The following SPOCK3 variants were observed in gnomAD, a reference collection of about 807,000 sequenced individuals.
The protein encoded by SPOCK3 is testican-3.
SPOCK3 carries 30 observed loss-of-function variants against 56.6 expected under a neutral mutation model. The observed-to-expected ratio is 0.53, with a 90% confidence interval of 0.40 to 0.72. The LOEUF (loss-of-function observed/expected upper bound fraction) is 0.72. Ranked by LOEUF, SPOCK3 falls within the 30% of genes least tolerant of loss-of-function variation. SPOCK3 has a pLI of 0.00. For missense variants in SPOCK3, 527 were observed against 530.0 expected (o/e 0.99, Z 0.06); for synonymous variants, 196 against 183.3 (o/e 1.07, Z -0.56).
chr4:167,052,020 A>C (rs1754264743), intron 3 of SPOCK3, among the ~76,000 whole-genome samples: 1 of 152,224 alleles, frequency 6.6e-6, no homozygotes, highest in Non-Finnish European at 1.5e-5. Flanking sequence ...CTAATGTGAT[A>C]TGAAGTAAAT....
At chr4:166,880,858 G>A (rs1291160556) in intron 6 of SPOCK3, among the ~76,000 whole-genome samples, 2 of 151,790 alleles carry the variant, frequency 1.3e-5, no homozygotes, top group Non-Finnish European at 2.9e-5. Context: ...TGAACCATCC[G>A]GTTTAACCTT....
chr4:167,186,575 C>T (rs1731980955), intron 2 of SPOCK3, among the ~76,000 whole-genome samples: 1 of 151,782 alleles, frequency 6.6e-6, no homozygotes, highest in East Asian at 1.9e-4. Context: ...TGCAGTGAGC[C>T]GAGATCATGC....
intron 2 of SPOCK3, among the ~76,000 whole-genome samples, chr4:167,067,460 T>C (rs1756270452): frequency 2.0e-5 from 3 of 151,816 alleles, no homozygotes. Context: ...GTGATGATTA[T>C]CAATGGTAAC....
At chr4:167,006,325 T>C (rs979072396) in intron 3 of SPOCK3, among the ~76,000 whole-genome samples, 2 of 152,168 alleles carry the variant, frequency 1.3e-5, no homozygotes. Context: ...TTCGGTGAGA[T>C]TCAGAGTAGC....
chr4:167,035,026 C>T (rs1300704477), intron 3 of SPOCK3, among the ~76,000 whole-genome samples: 1 of 151,900 alleles, frequency 6.6e-6, no homozygotes, highest in African/African-American at 2.4e-5. Context: ...CAGTTTAAAC[C>T]TTTATAGGAA....
At chr4:167,217,059 G>T (rs1735432573) in intron 2 of SPOCK3, among the ~76,000 whole-genome samples, 1 of 151,882 alleles carries the variant, frequency 6.6e-6, no homozygotes, top group South Asian at 2.1e-4. Context: ...CTTTGTTAAA[G>T]AACAAAAAAC....
chr4:167,049,118 T>A (rs34247793), intron 3 of SPOCK3, among the ~76,000 whole-genome samples: 3,961 of 151,794 alleles, frequency 0.026, 82 homozygotes, highest in Middle Eastern at 0.058. Context: ...CTTTTTTTTT[T>A]TTTGAGACAG....
chr4:166,803,003 G>C (rs1307220817), intron 6 of SPOCK3, among the ~76,000 whole-genome samples: 1 of 152,096 alleles, frequency 6.6e-6, no homozygotes. Context: ...TTGCACAAAA[G>C]TGTAAAATCA....
At chr4:166,845,370 C>T (rs1473888734) in intron 6 of SPOCK3, among the ~76,000 whole-genome samples, 2 of 151,956 alleles carry the variant, frequency 1.3e-5, no homozygotes, top group Non-Finnish European at 2.9e-5. Context: ...GCAGAAAAAC[C>T]GTATGCCCTA....
chr4:166,784,823 C>T (rs1390290841), intron 7 of SPOCK3, among the ~76,000 whole-genome samples: 1 of 152,042 alleles, frequency 6.6e-6, no homozygotes, highest in Non-Finnish European at 1.5e-5. Flanking sequence ...TGTAGGAAAG[C>T]AGATATAAGA....
intron 2 of SPOCK3, among the ~76,000 whole-genome samples, chr4:167,079,757 A>G (rs1391026571): frequency 6.6e-6 from 1 of 152,022 alleles, no homozygotes; most frequent in African/African-American, 2.4e-5. Context: ...GAAAAAGTAA[A>G]TGGGATTTTA....
At chr4:166,849,403 G>GT (rs1171847397) in intron 6 of SPOCK3, among the ~76,000 whole-genome samples, 188 of 150,890 alleles carry the variant, frequency 1.2e-3, no homozygotes, top group Middle Eastern at 3.4e-3. Flanking sequence ...TAATTGTGTG[G>GT]TTTTTTTTTG....
At chr4:167,025,681 A>G (rs937949797) in intron 3 of SPOCK3, among the ~76,000 whole-genome samples, 4 of 152,046 alleles carry the variant, frequency 2.6e-5, no homozygotes, top group Non-Finnish European at 5.9e-5. Flanking sequence ...AAAATGCACC[A>G]GATATCACCC....
At chr4:166,777,919 T>G (rs1311039529) in intron 7 of SPOCK3, among the ~76,000 whole-genome samples, 14 of 152,180 alleles carry the variant, frequency 9.2e-5, no homozygotes, top group Admixed American at 8.5e-4. Flanking sequence ...CAAATACTTA[T>G]GCTTAATTGC....
intron 7 of SPOCK3, among the ~76,000 whole-genome samples, chr4:166,790,214 C>T (rs943888448): frequency 2.0e-5 from 3 of 152,068 alleles, no homozygotes; most frequent in Admixed American, 2.0e-4. Flanking sequence ...TTTAAGTACT[C>T]TGGTTGGGAG....
rs565751381 is a variant in SPOCK3, at chr4:166,942,213, T to A, written c.351-29470A>T. Among the ~76,000 whole-genome samples the A allele has an allele frequency of 5.3e-5, 8 of 152,208 alleles. No homozygotes were observed. In the East Asian group the frequency reaches 5.8e-4, roughly 11 times the overall value. On this transcript the variant is annotated intron_variant, in intron 4 of 10. Transcript: ENST00000357545. ...TTTCCATTTCCATTTCTTGATTTTTTAATTTTTTTTATTTTTTAGATGGAG... is the reference window on the plus strand; with the variant it reads ...TTTCCATTTCCATTTCTTGATTTTTAAATTTTTTTTATTTTTTAGATGGAG...
intron 3 of SPOCK3, among the ~76,000 whole-genome samples, chr4:167,009,002 GAAT>G (rs1254819977): frequency 1.3e-5 from 2 of 151,958 alleles, no homozygotes; most frequent in East Asian, 1.9e-4. Flanking sequence ...CAATTAAAAA[GAAT>G]AATACACCCC....
chr4:167,162,763 C>T (rs1029378893), intron 2 of SPOCK3, among the ~76,000 whole-genome samples: 3 of 151,932 alleles, frequency 2.0e-5, no homozygotes, highest in Non-Finnish European at 2.9e-5. Flanking sequence ...TATTTACTCT[C>T]GACTTTTTTT....
intron 2 of SPOCK3, among the ~76,000 whole-genome samples, chr4:167,177,657 C>A (rs900460051): frequency 6.6e-6 from 1 of 152,068 alleles, no homozygotes; most frequent in African/African-American, 2.4e-5. Flanking sequence ...AAATGGAGGG[C>A]AGACTATAAT....
Sources: gnomAD v4.1 joint callset for allele counts (sites outside exome capture counted in the v4.1 genomes callset) on GRCh38, gnomAD v4.1.1 for gene constraint, MANE v1.5 for transcripts, NCBI Gene and HGNC (gene_info 2026-07-23, HGNC 2026-07-21) for gene names.